Variants in LAMA2 observed in about 807,000 individuals in gnomAD.
LAMA2 encodes laminin subunit alpha-2.
LAMA2 carries 269 observed loss-of-function variants against 364.8 expected under a neutral mutation model. That is an observed-to-expected ratio of 0.74 (90% CI 0.67 to 0.82). The LOEUF (loss-of-function observed/expected upper bound fraction) is 0.82, where lower values mean the gene tolerates loss of function less well. LAMA2 is among the 40% of genes least tolerant of loss of function. The pLI is 0.00. For missense variants in LAMA2, 3,807 were observed against 3,873.2 expected, an observed-to-expected ratio of 0.98 and a Z score of 0.45; for synonymous variants, 1,379 against 1,370.6, an observed-to-expected ratio of 1.01 and a Z score of -0.14.
chr6:129,162,784 C>G (rs1332526467), intron 8 of LAMA2, among the ~76,000 whole-genome samples: 1 of 151,726 alleles, frequency 6.6e-6, no homozygotes, highest in Admixed American at 6.6e-5. Context: ...TAGACCAAAT[C>G]TGACTCATGG....
At chr6:129,123,729 G>A (rs1776945868) in intron 4 of LAMA2, among the ~76,000 whole-genome samples, 1 of 152,190 alleles carries the variant, frequency 6.6e-6, no homozygotes, top group Non-Finnish European at 1.5e-5. Flanking sequence ...CAGGGTCTGG[G>A]TTGGAGGGGG....
chr6:128,916,253 T>C (rs1306016771), intron 1 of LAMA2, among the ~76,000 whole-genome samples: 2 of 152,154 alleles, frequency 1.3e-5, no homozygotes, highest in Non-Finnish European at 2.9e-5. Context: ...ATTTGGCAAA[T>C]TGGGATATGA....
chr6:129,085,239 T>C (rs190002224), intron 3 of LAMA2, among the ~76,000 whole-genome samples: 1 of 152,320 alleles, frequency 6.6e-6, no homozygotes, highest in East Asian at 1.9e-4. Flanking sequence ...TGTCCTACTT[T>C]AAATGGAAAT....
At chr6:129,033,325 T>C (rs554937942) in intron 1 of LAMA2, among the ~76,000 whole-genome samples, 1 of 152,248 alleles carries the variant, frequency 6.6e-6, no homozygotes, top group South Asian at 2.1e-4. Context: ...TGTTTTTATG[T>C]GTGTTTTATC....
chr6:129,255,679 G>A (rs530373207), intron 14 of LAMA2, among the ~76,000 whole-genome samples: 1 of 151,792 alleles, frequency 6.6e-6, no homozygotes, highest in African/African-American at 2.4e-5. Flanking sequence ...TAAATTTTGC[G>A]GTTTGGGATC....
chr6:128,910,043 G>C (rs1777790463), intron 1 of LAMA2, among the ~76,000 whole-genome samples: 1 of 151,834 alleles, frequency 6.6e-6, no homozygotes. Flanking sequence ...AGGGTAACCC[G>C]TGCTTTCTCT....
At chr6:129,089,062 G>A (rs1036909767) in intron 3 of LAMA2, among the ~76,000 whole-genome samples, 14 of 152,204 alleles carry the variant, frequency 9.2e-5, no homozygotes, top group Non-Finnish European at 1.3e-4. Flanking sequence ...CTGCAATCTC[G>A]GCACCTCGGG....
intron 45 of LAMA2, among the ~76,000 whole-genome samples, chr6:129,448,076 T>C (rs1217011165): frequency 6.6e-6 from 1 of 152,132 alleles, no homozygotes; most frequent in African/African-American, 2.4e-5. Context: ...TTGCATGAAC[T>C]CAGGAGTTTG....
chr6:129,185,575 A>ATTACAAATTGCCTTT (rs1466135305), intron 10 of LAMA2, among the ~76,000 whole-genome samples: 4 of 151,870 alleles, frequency 2.6e-5, no homozygotes, highest in Admixed American at 6.6e-5. Flanking sequence ...TATTGATTTT[A>ATTACAAATTGCCTTT]TGTAAAGGCA....
In LAMA2 at chr6:129,456,149, ACT is replaced by A. The variant is rs544129137; in HGVS notation, c.6708-183_6708-182del. On this transcript the variant is annotated intron_variant, in intron 47 of 64. Coordinates refer to ENST00000421865, the MANE Select transcript of LAMA2 (RefSeq NM_000426.4). ...GATGTAAGTGTTGAGCCAAGATCAG[ACT>A]CTGAGTATTGATTCGAGATCTAATG... Among the ~76,000 whole-genome samples the A allele has an allele frequency of 3.4e-3, 518 of 152,208 alleles. 1 individual carries two copies. The highest frequency in any genetic ancestry group is 5.1e-3 in the Non-Finnish European group (347 of 68,024).
intron 1 of LAMA2, among the ~76,000 whole-genome samples, chr6:128,910,428 T>G (rs1249540034): frequency 6.6e-6 from 1 of 152,188 alleles, no homozygotes; most frequent in African/African-American, 2.4e-5. Flanking sequence ...GTTGATCGCA[T>G]CGGCTCCTGA....
chr6:129,484,197 C>A (rs1402099192), intron 55 of LAMA2, among the ~76,000 whole-genome samples: 2 of 152,158 alleles, frequency 1.3e-5, no homozygotes, highest in Non-Finnish European at 2.9e-5. Flanking sequence ...CAGTCCTTGT[C>A]CCCAAAAGGG....
At chr6:128,983,736 T>G (rs1277896302) in intron 1 of LAMA2, among the ~76,000 whole-genome samples, 1 of 152,176 alleles carries the variant, frequency 6.6e-6, no homozygotes, top group Non-Finnish European at 1.5e-5. Context: ...TGAACAATGC[T>G]TTGGAGATTA....
intron 1 of LAMA2, among the ~76,000 whole-genome samples, chr6:128,920,163 CTT>C (rs754182409): frequency 3.5e-4 from 50 of 143,018 alleles, no homozygotes; most frequent in Non-Finnish European, 4.0e-4. Flanking sequence ...TTTTTCTTTT[CTT>C]TTTTTTTTTT....
At chr6:129,139,072 C>T (rs1171761308) in intron 4 of LAMA2, among the ~76,000 whole-genome samples, 2 of 151,942 alleles carry the variant, frequency 1.3e-5, no homozygotes, top group Non-Finnish European at 2.9e-5. Flanking sequence ...ATGTGAAGGA[C>T]GTTGGTGACT....
At chr6:129,381,713 G>A (rs1021448781) in intron 34 of LAMA2, among the ~76,000 whole-genome samples, 4 of 152,118 alleles carry the variant, frequency 2.6e-5, no homozygotes, top group Non-Finnish European at 4.4e-5. Context: ...CATTATTAAT[G>A]TTTTAGAAGA....
intron 1 of LAMA2, among the ~76,000 whole-genome samples, chr6:128,989,483 G>C (rs1168665244): frequency 5.3e-5 from 8 of 152,012 alleles, no homozygotes; most frequent in Admixed American, 3.9e-4. Context: ...TTTCTAGCTG[G>C]GGGACTAGAA....
chr6:129,485,608 C>A (rs1784549635), intron 55 of LAMA2, among the ~76,000 whole-genome samples: 2 of 152,280 alleles, frequency 1.3e-5, no homozygotes, highest in South Asian at 2.1e-4. Flanking sequence ...ATATGGCAAA[C>A]CATCCATGAG....
chr6:129,058,165 A>G (rs1283705852), intron 2 of LAMA2, among the ~76,000 whole-genome samples: 1 of 152,314 alleles, frequency 6.6e-6, no homozygotes, highest in East Asian at 1.9e-4. Context: ...ATGCATGAGC[A>G]AGGCCTGTTT....
Sources: allele counts gnomAD v4.1 joint callset (sites outside exome capture counted in the v4.1 genomes callset), GRCh38; gene constraint gnomAD v4.1.1; transcripts MANE v1.5; gene names NCBI Gene and HGNC (gene_info 2026-07-23, HGNC 2026-07-21).